The following RAB3C variants were observed in gnomAD, a reference collection of about 807,000 sequenced individuals.
The protein encoded by RAB3C is ras-related protein Rab-3C.
In RAB3C, 17 loss-of-function variants were observed where a neutral mutation model predicts 26.4. The ratio of observed to expected loss-of-function variants is 0.64; its 90% CI spans 0.44 to 0.97. RAB3C has a LOEUF of 0.97. Ranked by LOEUF, RAB3C falls within the 50% of genes least tolerant of loss-of-function variation. The pLI, the probability that RAB3C is intolerant of heterozygous loss-of-function variation, is 0.00. For synonymous variants in RAB3C, 91 were observed against 95.9 expected (o/e 0.95, Z 0.30); for missense variants, 242 against 281.9 (o/e 0.86, Z 1.01).
intron 3 of RAB3C, among the ~76,000 whole-genome samples, chr5:58,739,931 G>A (rs1353228599): frequency 6.6e-6 from 1 of 152,202 alleles, no homozygotes; most frequent in Non-Finnish European, 1.5e-5. Context: ...GTGGATGGTA[G>A]GAGAGGAAAG....
In RAB3C at chr5:58,829,919, T is replaced by C. The variant is rs535236700; in HGVS notation, c.496+4757T>C. The stretch of plus-strand genomic sequence containing the variant: ...TTTGATTATTCATCTGACAAATATC[T>C]ATAATAATACTGCGGAGTCATAAAA... On this transcript the variant is annotated intron_variant, in intron 4 of 4. Transcript: ENST00000282878. Among the ~76,000 whole-genome samples, 42 of 152,302 alleles carry C rather than the reference T, an allele frequency of 2.8e-4. 1 individual carries two copies. The South Asian group carries it at 8.7e-3, about 32-fold the overall frequency.
At chr5:58,697,037 C>T (rs1748715515) in intron 2 of RAB3C, among the ~76,000 whole-genome samples, 1 of 152,152 alleles carries the variant, frequency 6.6e-6, no homozygotes, top group Non-Finnish European at 1.5e-5. Context: ...TTACATCTTT[C>T]CTGCTGTCTC....
intron 3 of RAB3C, among the ~76,000 whole-genome samples, chr5:58,779,986 A>G (rs1031228974): frequency 3.9e-5 from 6 of 152,086 alleles, no homozygotes; most frequent in African/African-American, 1.4e-4. Context: ...GGAAAAATGG[A>G]AAGGACTGTG....
At chr5:58,686,897 T>C (rs980149390) in intron 2 of RAB3C, among the ~76,000 whole-genome samples, 2 of 152,088 alleles carry the variant, frequency 1.3e-5, no homozygotes, top group African/African-American at 4.8e-5. Flanking sequence ...AGCCTTTGCC[T>C]ATTTAACAAC....
At chr5:58,785,623 G>C (rs140898688) in intron 3 of RAB3C, among the ~76,000 whole-genome samples, 397 of 152,290 alleles carry the variant, frequency 2.6e-3, no homozygotes, top group African/African-American at 9.0e-3. Context: ...TGTTGGTCCA[G>C]TGTGTAATTG....
Position 58,585,692 on chromosome 5 carries a change from A to G in RAB3C, c.24+2460A>G, listed in dbSNP as rs576290274. Among the ~76,000 whole-genome samples the G allele has an allele frequency of 2.2e-3, 342 of 152,240 alleles. 2 individuals are homozygous for G. The highest frequency in any genetic ancestry group is 7.8e-3 in the African/African-American group (326 of 41,568). ...AAAAGCATTTGATGTATCTATATAA[A>G]TAAGTTGATGTTCTGTTCGAGGTAG... On this transcript the variant is annotated intron_variant, in intron 1 of 4. Transcript: ENST00000282878.
At chr5:58,750,329 T>C (rs1337838422) in intron 3 of RAB3C, among the ~76,000 whole-genome samples, 2 of 152,232 alleles carry the variant, frequency 1.3e-5, no homozygotes, top group East Asian at 3.8e-4. Context: ...TTGGTACTTC[T>C]TATTTGCTAT....
chr5:58,775,240 T>G (rs1742103686), intron 3 of RAB3C, among the ~76,000 whole-genome samples: 1 of 152,124 alleles, frequency 6.6e-6, no homozygotes, highest in South Asian at 2.1e-4. Flanking sequence ...CCCAGTGCTC[T>G]TCTGAAAATA....
At chr5:58,596,132 G>T (rs997256272) in intron 1 of RAB3C, among the ~76,000 whole-genome samples, 1 of 151,974 alleles carries the variant, frequency 6.6e-6, no homozygotes, top group African/African-American at 2.4e-5. Context: ...TTTTAGCACT[G>T]AAAGTTCTGC....
intron 2 of RAB3C, among the ~76,000 whole-genome samples, chr5:58,691,432 G>C (rs1162954059): frequency 1.3e-5 from 2 of 152,184 alleles, no homozygotes; most frequent in African/African-American, 4.8e-5. Flanking sequence ...AAAGAAGCAA[G>C]AAAGGGAAGA....
intron 2 of RAB3C, among the ~76,000 whole-genome samples, chr5:58,689,600 T>C (rs1748518933): frequency 6.6e-6 from 1 of 152,144 alleles, no homozygotes; most frequent in Non-Finnish European, 1.5e-5. Flanking sequence ...AAAATCAGTG[T>C]TGCCATGCCT....
chr5:58,819,973 G>A (rs542258277), intron 3 of RAB3C, among the ~76,000 whole-genome samples: 61 of 152,192 alleles, frequency 4.0e-4, no homozygotes, highest in African/African-American at 1.4e-3. Context: ...GCACTAACTT[G>A]GTCATAGCTG....
intron 3 of RAB3C, among the ~76,000 whole-genome samples, chr5:58,748,678 T>C (rs972209166): frequency 6.6e-6 from 1 of 152,178 alleles, no homozygotes; most frequent in Non-Finnish European, 1.5e-5. Flanking sequence ...TAATATGTCC[T>C]AGATATTCCT....
At chr5:58,837,535 A>G (rs1344111924) in intron 4 of RAB3C, among the ~76,000 whole-genome samples, 1 of 107,222 alleles carries the variant, frequency 9.3e-6, no homozygotes, top group African/African-American at 3.4e-5. Flanking sequence ...CGAGTTTTCT[A>G]TTTCTTCTTG....
intron 2 of RAB3C, among the ~76,000 whole-genome samples, chr5:58,680,473 A>G (rs1299861100): frequency 6.6e-6 from 1 of 152,236 alleles, no homozygotes; most frequent in Admixed American, 6.5e-5. Context: ...AAAAACATTT[A>G]GTTATCCTCT....
intron 2 of RAB3C, among the ~76,000 whole-genome samples, chr5:58,670,145 T>C (rs1748082474): frequency 1.3e-5 from 2 of 152,074 alleles, no homozygotes. Flanking sequence ...TCTTATTCTC[T>C]CTCCCACCAA....
intron 3 of RAB3C, among the ~76,000 whole-genome samples, chr5:58,790,059 G>C (rs981172743): frequency 6.6e-6 from 1 of 152,104 alleles, no homozygotes; most frequent in African/African-American, 2.4e-5. Context: ...CCCCTTAACG[G>C]CCTCTCCTAA....
intron 2 of RAB3C, among the ~76,000 whole-genome samples, chr5:58,659,652 TC>T (rs555976257): frequency 1.5e-3 from 222 of 152,198 alleles, no homozygotes; most frequent in African/African-American, 5.1e-3. Flanking sequence ...AAGCTTCATT[TC>T]CCCCACTGAT....
intron 2 of RAB3C, among the ~76,000 whole-genome samples, chr5:58,718,654 G>GA (rs1261937916): frequency 1.3e-5 from 2 of 152,064 alleles, no homozygotes; most frequent in African/African-American, 4.8e-5. Context: ...CTGCTGGTAT[G>GA]AAAAGGTTGG....
Sources: allele counts gnomAD v4.1 joint callset (sites outside exome capture counted in the v4.1 genomes callset), GRCh38; gene constraint gnomAD v4.1.1; transcripts MANE v1.5; gene names NCBI Gene and HGNC (gene_info 2026-07-23, HGNC 2026-07-21).